Variants in DMTF1 observed in about 807,000 individuals in gnomAD.
The protein encoded by DMTF1 is cyclin D binding myb like transcription factor 1.
Under a neutral mutation model 91.1 loss-of-function variants are expected in DMTF1, and 39 were observed. The ratio of observed to expected loss-of-function variants is 0.43; its 90% CI spans 0.33 to 0.56. The LOEUF (loss-of-function observed/expected upper bound fraction) is 0.56, where lower values mean the gene tolerates loss of function less well. Among genes scored for constraint, DMTF1 ranks in the 20% least tolerant of loss-of-function variants. DMTF1 has a pLI of 0.05. For missense variants in DMTF1, 750 were observed against 914.5 expected (o/e 0.82, Z 2.32); for synonymous variants, 338 against 309.5 (o/e 1.09, Z -0.97).
chr7:87,194,451 C>T, intron 16 of DMTF1: 1 of 486,818 alleles, frequency 2.1e-6, no homozygotes, highest in South Asian at 3.8e-5. Context: ...AGCATTGTTT[C>T]TTCTGTTATA....
chr7:87,169,251 G>A (rs1794554616), intron 4 of DMTF1, among the ~76,000 whole-genome samples: 1 of 152,110 alleles, frequency 6.6e-6, no homozygotes, highest in African/African-American at 2.4e-5. Flanking sequence ...TTGAGCCCAG[G>A]GGTTTGAGAC....
At chr7:87,188,684 A>G (rs567623285) in intron 13 of DMTF1, among the ~76,000 whole-genome samples, 5 of 152,286 alleles carry the variant, frequency 3.3e-5, no homozygotes, top group African/African-American at 7.2e-5. Flanking sequence ...ACTAGAAGAC[A>G]TATCAATTGG....
At chr7:87,182,644 A>C (rs1471622352) in intron 10 of DMTF1, among the ~76,000 whole-genome samples, 1 of 152,232 alleles carries the variant, frequency 6.6e-6, no homozygotes, top group Admixed American at 6.5e-5. Context: ...TATTTTGAAG[A>C]CATACATGCA....
intron 14 of DMTF1, among the ~76,000 whole-genome samples, chr7:87,191,482 A>T (rs757055132): frequency 2.0e-5 from 3 of 152,166 alleles, no homozygotes; most frequent in Non-Finnish European, 4.4e-5. Flanking sequence ...GGATCCACCT[A>T]AGAGAAATGA....
chr7:87,188,453 T>C (rs1385918749), intron 13 of DMTF1, 152 bp downstream of exon 13: 1 of 764,390 alleles, frequency 1.3e-6, no homozygotes. Context: ...GTTCAGTTAA[T>C]ATTTGCACAC....
chr7:87,174,519 C>G (rs1795828645), intron 6 of DMTF1, 74 bp from the exon 7 acceptor site: 1 of 1,005,688 alleles, frequency 9.9e-7, no homozygotes, highest in African/African-American at 1.6e-5. Context: ...AATTTAATCA[C>G]AAAGGAAATC....
chr7:87,190,978 A>C lies in DMTF1; in HGVS notation c.1445A>C (p.Glu482Ala). 1 of 1,611,072 alleles carries C rather than the reference A, an allele frequency of 6.2e-7. No individual in the cohort carries two copies. Among genetic ancestry groups the C allele is most frequent in the East Asian group, 2.2e-5 (1 of 44,768 alleles). ...GACTCTCCTGCTACCGTTGACTCAGAAACAATAACACTAAACAGTGGAACA... is the reference window on the plus strand; with the variant it reads ...GACTCTCCTGCTACCGTTGACTCAGCAACAATAACACTAAACAGTGGAACA... ...SADSPATVDS[E>A]TITLNSGTLQ... Residue 482 changes from glutamate to alanine, a missense_variant, in exon 14 of 18, where the codon GAA becomes GCA. Glu to Ala is a moderately radical substitution (Grantham distance 107). Transcript: ENST00000331242.
At chr7:87,165,787 TGTG>T (rs1793689544) in intron 3 of DMTF1, among the ~76,000 whole-genome samples, 1 of 152,172 alleles carries the variant, frequency 6.6e-6, no homozygotes, top group South Asian at 2.1e-4. Flanking sequence ...AGATCATGAA[TGTG>T]GTTGGGAATA....
At chr7:87,169,234 A>C (rs1292198081) in intron 4 of DMTF1, among the ~76,000 whole-genome samples, 1 of 152,158 alleles carries the variant, frequency 6.6e-6, no homozygotes, top group Non-Finnish European at 1.5e-5. Context: ...AGAGGCGGGC[A>C]GTTTGCTTGA....
chr7:87,175,317 G>A (rs1158916548), intron 7 of DMTF1, among the ~76,000 whole-genome samples: 4 of 151,986 alleles, frequency 2.6e-5, no homozygotes, highest in African/African-American at 9.7e-5. Context: ...CACCGCACCC[G>A]GCTAAGGTAT....
intron 6 of DMTF1, 64 bp from the exon 7 acceptor site, chr7:87,174,529 C>A: frequency 9.3e-7 from 1 of 1,074,478 alleles, no homozygotes; most frequent in East Asian, 2.5e-5. Context: ...CAAAGGAAAT[C>A]TTTGGTGTTT....
At chr7:87,180,882 CAG>C (rs1326402149) in intron 8 of DMTF1, among the ~76,000 whole-genome samples, 4 of 112,614 alleles carry the variant, frequency 3.6e-5, no homozygotes, top group Admixed American at 1.1e-4. Context: ...TTTTTTGAGA[CAG>C]AGTCTGTGTT....
chr7:87,155,670 GTTTGC>G (rs1790491094), intron 1 of DMTF1: 1 of 152,086 alleles, frequency 6.6e-6, no homozygotes, highest in Non-Finnish European at 1.5e-5. Context: ...TAGATTTTGT[GTTTGC>G]TTTGATTCTA....
At chr7:87,184,927 C>T (rs1276946386) in intron 11 of DMTF1, 1 of 501,828 alleles carries the variant, frequency 2.0e-6, no homozygotes, top group Non-Finnish European at 3.9e-6. Context: ...AGCTTTTCCA[C>T]TGTCCCACCA....
At chr7:87,165,663 T>C (rs1469533884) in intron 3 of DMTF1, among the ~76,000 whole-genome samples, 2 of 152,240 alleles carry the variant, frequency 1.3e-5, no homozygotes, top group Non-Finnish European at 2.9e-5. Context: ...TACAGAATTC[T>C]CTGTGCTTCT....
rs927278357 is a variant in DMTF1 at position 87,152,830 on chromosome 7, C to T, written c.-132+275C>T. The T allele has an allele frequency of 9.8e-5, 15 of 153,734 alleles. No individual in the cohort carries two copies. The South Asian group carries it at 2.5e-3, about 26-fold the overall frequency. 9.5% of individuals were successfully genotyped at this position (153,734 alleles called of 1,614,324 possible). ...CGGCTGCCGAGGCACAGCGGCGATCCGGCGGGGGCGGAAAATGGCGGCGGC... is the reference window on the plus strand; with the variant it reads ...CGGCTGCCGAGGCACAGCGGCGATCTGGCGGGGGCGGAAAATGGCGGCGGC... On this transcript the variant is annotated intron_variant, in intron 1 of 17. Coordinates refer to ENST00000331242, the MANE Select transcript of DMTF1 (RefSeq NM_001142327.2).
At chr7:87,157,789 A>G (rs1465212989) in intron 1 of DMTF1, among the ~76,000 whole-genome samples, 1 of 151,894 alleles carries the variant, frequency 6.6e-6, no homozygotes, top group Non-Finnish European at 1.5e-5. Flanking sequence ...AGGTTATATT[A>G]TAATGAAGAC....
At chr7:87,193,051 T>C in intron 14 of DMTF1, 147 bp from the exon 15 acceptor site, 5 of 735,634 alleles carry the variant, frequency 6.8e-6, no homozygotes, top group Non-Finnish European at 1.1e-5. Context: ...AGGTAATGAC[T>C]TGAGACGATT....
At position 87,161,661 on chromosome 7, in the gene DMTF1, A is replaced by T. The variant is rs143639025; in HGVS notation, c.-131-1834A>T. ...GAATCATTCACTAATCTCTAACATGAGTTGCAGAACTTTAAAAAAGGAGCC... is the reference window on the plus strand; with the variant it reads ...GAATCATTCACTAATCTCTAACATGTGTTGCAGAACTTTAAAAAAGGAGCC... On this transcript the variant is annotated intron_variant, in intron 1 of 17. Coordinates refer to ENST00000331242, the MANE Select transcript of DMTF1 (RefSeq NM_001142327.2). Among the ~76,000 whole-genome samples, 1,204 of 152,352 alleles carry T rather than the reference A, an allele frequency of 7.9e-3. 7 individuals are homozygous for T. Among genetic ancestry groups the T allele is most frequent in the South Asian group, 0.024 (115 of 4,824 alleles).
Sources: allele counts gnomAD v4.1 joint callset (sites outside exome capture counted in the v4.1 genomes callset), GRCh38; gene constraint gnomAD v4.1.1; transcripts MANE v1.5; gene names NCBI Gene and HGNC (gene_info 2026-07-23, HGNC 2026-07-21).